The following ACR variants were observed in gnomAD, a reference collection of about 807,000 sequenced individuals.
The protein encoded by ACR is acrosin light and heavy chain prepropeptide.
A neutral mutation model predicts 26.0 loss-of-function variants in ACR; 17 were observed. That is an observed-to-expected ratio of 0.65 (90% CI 0.45 to 0.98). The LOEUF is 0.98. Among genes scored for constraint, ACR ranks in the 50% least tolerant of loss-of-function variants. The pLI is 0.00. For missense variants in ACR, 435 were observed against 519.3 expected (o/e 0.84, Z 1.58); for synonymous variants, 199 against 207.7 (o/e 0.96, Z 0.36).
At position 50,744,740 on chromosome 22, in the gene ACR, G is replaced by T. The variant is rs371960370; in HGVS notation, c.799G>T (p.Ala267Ser). 1.6e-5 allele frequency: 25 copies of T among 1,609,630 alleles called. No individual in the cohort carries two copies. The African/African-American group carries it at 3.3e-4, about 21-fold the overall frequency. The change falls in exon 5 of 5, where the codon GCC becomes TCC. Residue 267 changes from alanine to serine, a missense_variant. Physicochemically the swap from Ala to Ser is moderately conservative, Grantham distance 99 (BLOSUM62 1). Coordinates refer to ENST00000216139, the MANE Select transcript of ACR (RefSeq NM_001097.3). The stretch of plus-strand genomic sequence containing the variant: ...AATCACAAGCTGGGGGGTAGGCTGT[G>T]CCCGTGCCAAGCGCCCCGGAATCTA... ...VGITSWGVGC[A>S]RAKRPGIYTA... is the part of the protein sequence containing the mutation.
intron 1 of ACR, among the ~76,000 whole-genome samples, 190 bp downstream of exon 1, chr22:50,738,502 C>T (rs2083408932): frequency 6.6e-6 from 1 of 150,922 alleles, no homozygotes. Context: ...GACCCCTCAG[C>T]ACCTCAGGCT....
chr22:50,744,866 C>T lies in ACR; in HGVS notation c.925C>T (p.Pro309Ser), dbSNP rs748915614. 18 of 1,599,932 alleles carry T rather than the reference C, an allele frequency of 1.1e-5. No individual in the cohort carries two copies. Among genetic ancestry groups the T allele is most frequent in the South Asian group, 1.0e-4 (9 of 89,604 alleles). The change falls in exon 5 of 5, where the codon CCG becomes TCG. Residue 309 changes from proline to serine, a missense_variant. By Grantham distance (74) the Pro-to-Ser change is moderately conservative. This residue lies in a region of ACR where 29 missense variants were observed against 59.4 expected (regional missense o/e 0.49). Transcript: ENST00000216139. ...CACCCCTCCACCTCCCACCACTCGA[C>T]CGCCCCCGATTCGACCCCCCTTCTC... ...SATPPPPTTR[P>S]PPIRPPFSHP... is the part of the protein sequence containing the mutation.
chr22:50,744,421 G>T, intron 4 of ACR: 1 of 649,606 alleles, frequency 1.5e-6, no homozygotes, highest in South Asian at 2.0e-5. Flanking sequence ...ATGTGCCCCT[G>T]TGGACACGTG....
chr22:50,738,962 C>T lies in ACR; in HGVS notation c.78-309C>T, dbSNP rs1009146238. 5.9e-5 allele frequency among the ~76,000 whole-genome samples: 9 copies of T among 152,158 alleles called. No individual in the cohort carries two copies. In the East Asian group the frequency reaches 1.7e-3, roughly 29 times the overall value. On this transcript the variant is annotated intron_variant, in intron 1 of 4. Coordinates refer to ENST00000216139, the MANE Select transcript of ACR (RefSeq NM_001097.3). ...CCTCTGTCCCCAGGCCCCGCATCCCCACCTCTACCCTCCTGTTCTGCCCAG... is the reference window on the plus strand; with the variant it reads ...CCTCTGTCCCCAGGCCCCGCATCCCTACCTCTACCCTCCTGTTCTGCCCAG...
chr22:50,739,252 T>C lies in ACR; in HGVS notation c.78-19T>C. ...CTGTGCTCATGCCAGGTTTGAACTGTGCTCTGGTCTCTCCCCAGTGGCCCC... is the reference window on the plus strand; with the variant it reads ...CTGTGCTCATGCCAGGTTTGAACTGCGCTCTGGTCTCTCCCCAGTGGCCCC... On this transcript the variant is annotated intron_variant, in intron 1 of 4. Transcript: ENST00000216139. This position sits in a 1 kb window ranked among gnomAD's most constrained non-coding sequence, Gnocchi z 5.5. 6.4e-7 allele frequency: 1 copy of C among 1,553,598 alleles called. No homozygotes were observed. The highest frequency in any genetic ancestry group is 1.2e-5 in the South Asian group (1 of 84,412).
Position 50,744,900 on chromosome 22 carries a change from T to C in ACR, c.959T>C (p.Ile320Thr), listed in dbSNP as rs2083442959. ...PPIRPPFSHP[I>T]SAHLPWYFQP... ...ATTCGACCCCCCTTCTCCCACCCTATCTCTGCTCACCTTCCTTGGTATTTC... is the reference window on the plus strand; with the variant it reads ...ATTCGACCCCCCTTCTCCCACCCTACCTCTGCTCACCTTCCTTGGTATTTC... Residue 320 changes from isoleucine (I) to threonine (T), a missense_variant, in exon 5 of 5, where the codon ATC becomes ACC. Ile to Thr is a moderately conservative substitution (Grantham distance 89). Around this residue, in one of 3 missense-constraint regions of ACR, gnomAD observed 92 missense variants for 87.8 expected, o/e 1.05. Transcript: ENST00000216139. 2 of 1,553,648 alleles carry C rather than the reference T, an allele frequency of 1.3e-6. No individual in the cohort carries two copies. Among genetic ancestry groups the C allele is most frequent in the Non-Finnish European group, 1.7e-6 (2 of 1,152,900 alleles).
At chr22:50,744,626 T>G in intron 4 of ACR, 27 bp from the exon 5 acceptor site, 1 of 1,600,328 alleles carries the variant, frequency 6.2e-7, no homozygotes. Context: ...CTCAGGCAGA[T>G]AGTGACCTCT....
Position 50,739,301 on chromosome 22 carries a change from C to G in ACR, c.108C>G (p.Asn36Lys). The G allele has an allele frequency of 6.3e-7, 1 of 1,594,056 alleles. No homozygotes were observed. Among genetic ancestry groups the G allele is most frequent in the South Asian group, 1.1e-5 (1 of 88,204 alleles). ...DGPCGLRFRQ[N>K]PQGGVRIVGG... ...CCTGTGGGTTACGGTTCAGGCAAAA[C>G]CCACAGGGTGGTGTCCGCATCGTCG... Residue 36 changes from asparagine (N) to lysine (K), a missense_variant, in exon 2 of 5, where the codon AAC (asparagine) becomes AAG (lysine). Around this residue, in one of 3 missense-constraint regions of ACR, gnomAD observed 314 missense variants for 372.0 expected, o/e 0.84. Transcript: ENST00000216139. The surrounding 1 kb of genome is among the most constrained non-coding windows in gnomAD (Gnocchi z 5.5).
chr22:50,744,043 C>T lies in ACR; in HGVS notation c.566-18C>T, dbSNP rs760775514. The T allele has an allele frequency of 3.8e-5, 58 of 1,539,458 alleles. No homozygotes were observed. The highest frequency in any genetic ancestry group is 1.5e-4 in the Admixed American group (9 of 59,664). On this transcript the variant is annotated intron_variant, in intron 3 of 4. Transcript: ENST00000216139. The stretch of plus-strand genomic sequence containing the variant: ...CGTGTCTCCCGTGATCACTGACCAC[C>T]GAGTGGTCTGACTATAGCCCCCAGG...
Position 50,739,538 on chromosome 22 carries a change from C to A in ACR, c.281+64C>A. 1 of 1,598,508 alleles carries A rather than the reference C, an allele frequency of 6.3e-7. No individual in the cohort carries two copies. The highest frequency in any genetic ancestry group is 1.1e-5 in the South Asian group (1 of 90,040). On this transcript the variant is annotated intron_variant, in intron 2 of 4. Transcript: ENST00000216139. The surrounding 1 kb of genome is among the most constrained non-coding windows in gnomAD (Gnocchi z 5.5). ...GCTCTTCTCAGAGAGGGGCGTTCCC[C>A]GGGGATGCTGTGCAGCGTCTCCCTG...
chr22:50,743,075 G>A (rs1016978015), intron 3 of ACR, among the ~76,000 whole-genome samples: 4 of 151,764 alleles, frequency 2.6e-5, no homozygotes, highest in South Asian at 2.1e-4. Context: ...TCGCTCTGTG[G>A]CCCGGGCTGG....
At chr22:50,743,202 A>C (rs2083433926) in intron 3 of ACR, among the ~76,000 whole-genome samples, 1 of 150,638 alleles carries the variant, frequency 6.6e-6, no homozygotes, top group African/African-American at 2.4e-5. Context: ...TGCCTGGCTA[A>C]TTTTTTGTAT....
At chr22:50,744,442 T>C in intron 4 of ACR, 1 of 750,486 alleles carries the variant, frequency 1.3e-6, no homozygotes, top group Non-Finnish European at 2.1e-6. Context: ...GGTTTGCTCA[T>C]CTCACTGCAA....
chr22:50,739,398 A>G lies in ACR; in HGVS notation c.205A>G (p.Arg69Gly). Residue 69 changes from arginine (R) to glycine (G), a missense_variant, in exon 2 of 5, where the codon AGG (arginine) becomes GGG (glycine). Around this residue, in one of 3 missense-constraint regions of ACR, gnomAD observed 314 missense variants for 372.0 expected, o/e 0.84. Coordinates refer to ENST00000216139, the MANE Select transcript of ACR (RefSeq NM_001097.3). The surrounding 1 kb of genome is among the most constrained non-coding windows in gnomAD (Gnocchi z 5.5). ...SLQIFTYNSH[R>G]YHTCGGSLLN... ...CCAGATCTTCACGTACAACAGCCACAGGTACCACACATGTGGAGGCAGCTT... is the reference window on the plus strand; with the variant it reads ...CCAGATCTTCACGTACAACAGCCACGGGTACCACACATGTGGAGGCAGCTT... The G allele has an allele frequency of 6.2e-7, 1 of 1,614,176 alleles. No individual in the cohort carries two copies. Among genetic ancestry groups the G allele is most frequent in the Non-Finnish European group, 8.5e-7 (1 of 1,180,020 alleles).
chr22:50,742,410 G>A (rs944166656), intron 3 of ACR, among the ~76,000 whole-genome samples: 4 of 151,812 alleles, frequency 2.6e-5, no homozygotes, highest in African/African-American at 4.8e-5. Context: ...CGGGCATGGT[G>A]GCGGGCGCCT....
chr22:50,742,721 G>C (rs977200702), intron 3 of ACR, among the ~76,000 whole-genome samples: 1 of 152,166 alleles, frequency 6.6e-6, no homozygotes, highest in Non-Finnish European at 1.5e-5. Flanking sequence ...GCGAGCACTC[G>C]TTCAGCAGCC....
rs765565348 is a variant in ACR, at chr22:50,740,097, C to T, written c.565+120C>T. 107 of 1,278,332 alleles carry T rather than the reference C, an allele frequency of 8.4e-5. 1 individual carries two copies. The highest frequency in any genetic ancestry group is 1.1e-4 in the Non-Finnish European group (101 of 902,814). The allele number at this position is 1,278,332 out of a possible 1,614,324, so 79.2% of individuals were successfully genotyped here. On this transcript the variant is annotated intron_variant, in intron 3 of 4. Transcript: ENST00000216139. Reference sequence around the variant, plus strand: ...TGCTTTCATCCTCCTCACGGCGCTACACGTAGAGCCATCACTGTGGCCTTC... The same window carrying T: ...TGCTTTCATCCTCCTCACGGCGCTATACGTAGAGCCATCACTGTGGCCTTC...
At chr22:50,740,545 A>G (rs1404775132) in intron 3 of ACR, 13 of 700,662 alleles carry the variant, frequency 1.9e-5, no homozygotes, top group Non-Finnish European at 2.6e-6. Flanking sequence ...GTTACTTGAC[A>G]TTTGCTCTGT....
chr22:50,742,319 T>C (rs993454379), intron 3 of ACR, among the ~76,000 whole-genome samples: 6 of 151,764 alleles, frequency 4.0e-5, no homozygotes, highest in African/African-American at 1.5e-4. Flanking sequence ...CCAAGGAGGG[T>C]GGATCACAAG....
Sources: allele counts gnomAD v4.1 joint callset (sites outside exome capture counted in the v4.1 genomes callset), GRCh38; gene constraint gnomAD v4.1.1; regional missense constraint gnomAD v4.1.1; non-coding constraint Gnocchi (gnomAD v3.1); transcripts MANE v1.5; gene names NCBI Gene and HGNC (gene_info 2026-07-23, HGNC 2026-07-21).